The following SMAD4 variants were observed in gnomAD, a reference collection of about 807,000 sequenced individuals.
The protein encoded by SMAD4 is MAD homolog 4.
SMAD4 carries 7 observed loss-of-function variants against 63.2 expected under a neutral mutation model. The ratio of observed to expected loss-of-function variants is 0.11; its 90% CI spans 0.06 to 0.21. SMAD4 has a LOEUF of 0.21. Ranked by LOEUF, SMAD4 falls within the 10% of genes least tolerant of loss-of-function variation. The pLI is 1.00. For missense variants in SMAD4, 312 were observed against 693.8 expected, an observed-to-expected ratio of 0.45 and a Z score of 6.18; for synonymous variants, 215 against 235.4, an observed-to-expected ratio of 0.91 and a Z score of 0.79.
At chr18:51,036,821 A>G (rs2144380067) in intron 1 of SMAD4, among the ~76,000 whole-genome samples, 1 of 152,308 alleles carries the variant, frequency 6.6e-6, no homozygotes, top group East Asian at 1.9e-4. Flanking sequence ...CCCCCTTTGA[A>G]GGAATAAGCT....
chr18:51,051,302 TC>T (rs2144411520), intron 4 of SMAD4: 1 of 452,282 alleles, frequency 2.2e-6, no homozygotes, highest in East Asian at 7.0e-5. Context: ...GCCTTGTAGA[TC>T]CCCCTAGTGG....
Position 51,072,355 on chromosome 18 carries a change from G to C in SMAD4, c.1309-4283G>C, listed in dbSNP as rs908790126. 9.9e-4 allele frequency among the ~76,000 whole-genome samples: 150 copies of C among 152,142 alleles called. 1 individual carries two copies. Among genetic ancestry groups the C allele is most frequent in the African/African-American group, 3.6e-3 (148 of 41,508 alleles). On this transcript the variant is annotated intron_variant, in intron 10 of 11. Coordinates refer to ENST00000342988, the MANE Select transcript of SMAD4 (RefSeq NM_005359.6). ...AAACTTCCTGTGTTAATATTGAGTTGGGTTTGTTTTTGAACACATTTATTT... is the reference window on the plus strand; with the variant it reads ...AAACTTCCTGTGTTAATATTGAGTTCGGTTTGTTTTTGAACACATTTATTT...
In SMAD4 at chr18:51,083,449, C is replaced by A; in HGVS notation, c.*4982C>A. ...GAATGAATGAATGAAACTTTTTGTC[C>A]TTTTTTTTTCTGTTTTTTTTTTTCT... On this transcript the variant is annotated 3_prime_UTR_variant, in exon 12 of 12. Coordinates refer to ENST00000342988, the MANE Select transcript of SMAD4 (RefSeq NM_005359.6). 4.5e-6 allele frequency: 1 copy of A among 222,718 alleles called. No individual in the cohort carries two copies. Among genetic ancestry groups the A allele is most frequent in the African/African-American group, 2.3e-5 (1 of 43,558 alleles). 13.8% of individuals were successfully genotyped at this position (222,718 alleles called of 1,614,324 possible). A position where few individuals can be genotyped will look rare whatever the true frequency, so the allele number is the denominator to read the frequency against.
At position 51,081,949 on chromosome 18, in the gene SMAD4, T is replaced by C. The variant is rs1910621871; in HGVS notation, c.*3482T>C. ...ACTGGTTAATAGTTACTCACCATTTTATGCAGAGTCACATTAGTTCACACC... is the reference window on the plus strand; with the variant it reads ...ACTGGTTAATAGTTACTCACCATTTCATGCAGAGTCACATTAGTTCACACC... On this transcript the variant is annotated 3_prime_UTR_variant, in exon 12 of 12. Coordinates refer to ENST00000342988, the MANE Select transcript of SMAD4 (RefSeq NM_005359.6). The C allele has an allele frequency of 4.3e-6, 1 of 231,972 alleles. No individual in the cohort carries two copies. The highest frequency in any genetic ancestry group is 1.8e-4 in the South Asian group (1 of 5,520). 14.4% of individuals were successfully genotyped at this position (231,972 alleles called of 1,614,324 possible). A position where few individuals can be genotyped will look rare whatever the true frequency, so the allele number is the denominator to read the frequency against.
chr18:51,032,948 A>G (rs1909094410), intron 1 of SMAD4, among the ~76,000 whole-genome samples: 1 of 151,892 alleles, frequency 6.6e-6, no homozygotes. Context: ...CGATTTTTTT[A>G]GAGTGGTTCT....
At chr18:51,077,029 G>A in intron 11 of SMAD4, 1 of 307,086 alleles carries the variant, frequency 3.3e-6, no homozygotes, top group Non-Finnish European at 5.9e-6. Flanking sequence ...ATATTATACT[G>A]TTCTATCTCC....
Position 51,083,024 on chromosome 18 carries a change from T to C in SMAD4, c.*4557T>C, listed in dbSNP as rs1019237620. ...GATGTAGCTTAGAGTGCTTCCTGAT[T>C]CTTGCTGAGTTTCAGGTAGTTGAGA... On this transcript the variant is annotated 3_prime_UTR_variant, in exon 12 of 12. Coordinates refer to ENST00000342988, the MANE Select transcript of SMAD4 (RefSeq NM_005359.6). 2 of 225,756 alleles carry C rather than the reference T, an allele frequency of 8.9e-6. No homozygotes were observed. Among genetic ancestry groups the C allele is most frequent in the South Asian group, 3.7e-4 (2 of 5,454 alleles). 14.0% of individuals were successfully genotyped at this position (225,756 alleles called of 1,614,324 possible).
At chr18:51,058,843 G>C (rs1284778140) in intron 7 of SMAD4, among the ~76,000 whole-genome samples, 1 of 152,104 alleles carries the variant, frequency 6.6e-6, no homozygotes, top group Non-Finnish European at 1.5e-5. Context: ...AGTGTACTTT[G>C]GATAATGTTG....
Position 51,084,119 on chromosome 18 carries a change from C to G in SMAD4, c.*5652C>G. 2 of 232,200 alleles carry G rather than the reference C, an allele frequency of 8.6e-6. No homozygotes were observed. The highest frequency in any genetic ancestry group is 1.8e-4 in the South Asian group (1 of 5,520). 14.4% of individuals were successfully genotyped at this position (232,200 alleles called of 1,614,324 possible). A position where few individuals can be genotyped will look rare whatever the true frequency, so the allele number is the denominator to read the frequency against. Reference sequence around the variant, plus strand: ...GTGCACACACACACGCACGCACACACTCTGGTCAGAGTTTATTAAGGCTTT... The same window carrying G: ...GTGCACACACACACGCACGCACACAGTCTGGTCAGAGTTTATTAAGGCTTT... On this transcript the variant is annotated 3_prime_UTR_variant, in exon 12 of 12. Coordinates refer to ENST00000342988, the MANE Select transcript of SMAD4 (RefSeq NM_005359.6).
chr18:51,046,872 T>C, intron 1 of SMAD4, 48 bp from the exon 2 acceptor site: 2 of 608,872 alleles, frequency 3.3e-6, no homozygotes, highest in Non-Finnish European at 5.7e-6. Context: ...TCAGATCTAC[T>C]TCGTAAAATG....
intron 1 of SMAD4, among the ~76,000 whole-genome samples, chr18:51,042,151 C>T (rs1909403073): frequency 6.6e-6 from 1 of 152,180 alleles, no homozygotes. Flanking sequence ...AATTATCTTG[C>T]ATCCCACAAG....
chr18:51,070,273 T>C (rs1389831164), intron 10 of SMAD4, among the ~76,000 whole-genome samples: 3 of 152,198 alleles, frequency 2.0e-5, no homozygotes, highest in Non-Finnish European at 4.4e-5. Context: ...GGATGTCAAA[T>C]AGATACATTG....
At chr18:51,044,784 T>C (rs1464088905) in intron 1 of SMAD4, among the ~76,000 whole-genome samples, 1 of 152,224 alleles carries the variant, frequency 6.6e-6, no homozygotes, top group African/African-American at 2.4e-5. Flanking sequence ...TGAGCTTCTG[T>C]ATACCCTCCT....
intron 4 of SMAD4, chr18:51,053,232 T>G (rs558819456): frequency 6.6e-6 from 1 of 151,976 alleles, no homozygotes; most frequent in Non-Finnish European, 1.5e-5. Flanking sequence ...AACCAGTAAG[T>G]TGGTAAAAAG....
chr18:51,033,295 T>G (rs1205974507), intron 1 of SMAD4, among the ~76,000 whole-genome samples: 1 of 151,232 alleles, frequency 6.6e-6, no homozygotes, highest in African/African-American at 2.4e-5. Flanking sequence ...GTTCAAGCGA[T>G]TCTCCTGCGT....
chr18:51,033,829 A>G (rs1909121523), intron 1 of SMAD4, among the ~76,000 whole-genome samples: 1 of 152,172 alleles, frequency 6.6e-6, no homozygotes, highest in Non-Finnish European at 1.5e-5. Flanking sequence ...ATCCGGGAAC[A>G]TTTGTTTTTA....
intron 1 of SMAD4, among the ~76,000 whole-genome samples, chr18:51,039,686 C>T (rs1909317162): frequency 6.6e-6 from 1 of 152,080 alleles, no homozygotes; most frequent in Non-Finnish European, 1.5e-5. Context: ...TGGAGAAATA[C>T]ATGCTGGTAC....
At chr18:51,038,929 A>T (rs990638127) in intron 1 of SMAD4, among the ~76,000 whole-genome samples, 5 of 152,212 alleles carry the variant, frequency 3.3e-5, no homozygotes, top group Non-Finnish European at 7.3e-5. Flanking sequence ...CAACATGACG[A>T]AACCCTTTCT....
At chr18:51,038,864 A>G (rs1302269817) in intron 1 of SMAD4, among the ~76,000 whole-genome samples, 5 of 152,262 alleles carry the variant, frequency 3.3e-5, no homozygotes, top group Non-Finnish European at 5.9e-5. Flanking sequence ...TAGCCCGCAT[A>G]AAAGCTATTT....
Sources: allele counts gnomAD v4.1 joint callset (sites outside exome capture counted in the v4.1 genomes callset), GRCh38; gene constraint gnomAD v4.1.1; transcripts MANE v1.5; gene names NCBI Gene and HGNC (gene_info 2026-07-23, HGNC 2026-07-21).